Variants in CNGB1 observed in about 807,000 individuals in gnomAD.
CNGB1 encodes the protein cyclic nucleotide gated channel subunit beta 1.
A neutral mutation model predicts 151.7 loss-of-function variants in CNGB1; 126 were observed. That is an observed-to-expected ratio of 0.83 (90% CI 0.72 to 0.96). The LOEUF is 0.96. Among genes scored for constraint, CNGB1 ranks in the 40% least tolerant of loss-of-function variants. CNGB1 has a pLI of 0.00. For synonymous variants in CNGB1, 623 were observed against 635.1 expected (o/e 0.98, Z 0.29); for missense variants, 1,698 against 1,627.0 (o/e 1.04, Z -0.75).
chr16:57,964,332 T>C (rs1962334901), intron 3 of CNGB1, 130 bp from the exon 4 acceptor site: 15 of 1,348,646 alleles, frequency 1.1e-5, no homozygotes, highest in Non-Finnish European at 3.1e-6. Flanking sequence ...CCAGCTCAGC[T>C]CAACTGAAGT....
intron 31 of CNGB1, among the ~76,000 whole-genome samples, chr16:57,895,716 T>G (rs1275828078): frequency 6.6e-6 from 1 of 152,028 alleles, no homozygotes; most frequent in African/African-American, 2.4e-5. Flanking sequence ...GAATCAAGGC[T>G]CCTTGGAGAA....
At chr16:57,904,124 C>T (rs140376269) in intron 26 of CNGB1, 143 bp from the exon 27 acceptor site, 45 of 705,820 alleles carry the variant, frequency 6.4e-5, no homozygotes, top group Admixed American at 4.5e-4. Context: ...AGGCAGATGT[C>T]CTCACACAGA....
intron 14 of CNGB1, among the ~76,000 whole-genome samples, chr16:57,942,147 G>A (rs1961686090): frequency 6.6e-6 from 1 of 152,178 alleles, no homozygotes; most frequent in Admixed American, 6.5e-5. Context: ...CTCCCAAAGT[G>A]CTAGGATTAT....
At chr16:57,925,537 C>T (rs1319346467) in intron 17 of CNGB1, among the ~76,000 whole-genome samples, 1 of 152,192 alleles carries the variant, frequency 6.6e-6, no homozygotes, top group Non-Finnish European at 1.5e-5. Flanking sequence ...GGTCAGGCTG[C>T]AATTGCTACA....
chr16:57,919,173 T>C lies in CNGB1; in HGVS notation c.1883A>G (p.Asp628Gly), dbSNP rs1216827627. ...GTGTTTGAACTTGCAGCAGAGCATG[T>C]CGCAATAGTGCTCCTCTTCCACTGG... ...AEPVEEEHYC[D>G]MLCCKFKHRP... The change falls in exon 20 of 33, where the codon GAC becomes GGC. Residue 628 changes from aspartate to glycine, a missense_variant. Coordinates refer to ENST00000251102, the MANE Select transcript of CNGB1 (RefSeq NM_001297.5). The C allele has an allele frequency of 1.2e-6, 2 of 1,614,226 alleles. No homozygotes were observed. Among genetic ancestry groups the C allele is most frequent in the Admixed American group, 1.7e-5 (1 of 60,026 alleles).
chr16:57,903,760 C>T (rs1359677671), intron 27 of CNGB1, 62 bp downstream of exon 27: 1 of 1,599,828 alleles, frequency 6.3e-7, no homozygotes, highest in African/African-American at 1.3e-5. Context: ...AGGCATGGCA[C>T]CGGGCACCAG....
At chr16:57,930,563 G>A (rs1961318611) in intron 17 of CNGB1, among the ~76,000 whole-genome samples, 1 of 129,920 alleles carries the variant, frequency 7.7e-6, no homozygotes, top group Non-Finnish European at 1.6e-5. Flanking sequence ...AGGGGAAGGA[G>A]GAGGGGAAGG....
At chr16:57,925,569 C>T (rs1014853769) in intron 17 of CNGB1, among the ~76,000 whole-genome samples, 1 of 152,216 alleles carries the variant, frequency 6.6e-6, no homozygotes, top group African/African-American at 2.4e-5. Context: ...TCTCCTCAGC[C>T]TTGGTGAACA....
intron 12 of CNGB1, 41 bp from the exon 13 acceptor site, chr16:57,950,581 G>C (rs1468525124): frequency 6.2e-7 from 1 of 1,611,648 alleles, no homozygotes; most frequent in Non-Finnish European, 8.5e-7. Context: ...GGATGTGCGG[G>C]AGAGTGGGCT....
chr16:57,933,791 C>A (rs1374638186), intron 16 of CNGB1, among the ~76,000 whole-genome samples: 1 of 141,968 alleles, frequency 7.0e-6, no homozygotes, highest in Admixed American at 7.2e-5. Context: ...GGTGTGATCT[C>A]GGCTCACTGC....
At chr16:57,963,270 T>G (rs2149388142) in intron 4 of CNGB1, among the ~76,000 whole-genome samples, 1 of 152,324 alleles carries the variant, frequency 6.6e-6, no homozygotes, top group East Asian at 1.9e-4. Context: ...CCTAAACCAC[T>G]GTCTCCCCAC....
intron 21 of CNGB1, among the ~76,000 whole-genome samples, 165 bp from the exon 22 acceptor site, chr16:57,916,344 C>A (rs1181902042): frequency 6.6e-6 from 1 of 152,100 alleles, no homozygotes; most frequent in Non-Finnish European, 1.5e-5. Context: ...GTGGAGAGGC[C>A]CAGCCCCCAG....
Position 57,964,155 on chromosome 16 carries a change from C to T in CNGB1, c.265G>A (p.Gly89Ser). ...LTSTISLRAQ[G>S]AEISEMNSPS... ...CTATTCATTTCAGAAATCTCAGCGC[C>T]CTGGGCCCGGAGGGATATGGTGGAA... Residue 89 changes from glycine (G) to serine (S), a missense_variant, in exon 4 of 33, where the codon GGC becomes AGC. Coordinates refer to ENST00000251102, the MANE Select transcript of CNGB1 (RefSeq NM_001297.5). The T allele has an allele frequency of 6.2e-7, 1 of 1,614,172 alleles. No individual in the cohort carries two copies.
chr16:57,966,206 AG>A (rs1363624388), intron 2 of CNGB1, among the ~76,000 whole-genome samples: 1 of 152,182 alleles, frequency 6.6e-6, no homozygotes, highest in Non-Finnish European at 1.5e-5. Flanking sequence ...CTCCCCAAGA[AG>A]GGGAGAGTTG....
At chr16:57,907,484 C>G (rs545418085) in intron 25 of CNGB1, among the ~76,000 whole-genome samples, 1 of 152,380 alleles carries the variant, frequency 6.6e-6, no homozygotes, top group East Asian at 1.9e-4. Flanking sequence ...CATAGCTAGG[C>G]ACAGGGGCCA....
chr16:57,935,761 T>TC (rs1374707540), intron 16 of CNGB1, among the ~76,000 whole-genome samples: 2 of 151,790 alleles, frequency 1.3e-5, no homozygotes, highest in African/African-American at 4.9e-5. Flanking sequence ...TTTTTCTTTT[T>TC]TTTTTTAAGC....
chr16:57,964,094 G>C, intron 4 of CNGB1, 36 bp downstream of exon 4: 1 of 1,606,182 alleles, frequency 6.2e-7, no homozygotes. Context: ...TTGGGAGGCG[G>C]GCTGGCCCTG....
intron 14 of CNGB1, among the ~76,000 whole-genome samples, chr16:57,947,131 G>T (rs1961829644): frequency 6.6e-6 from 1 of 152,202 alleles, no homozygotes; most frequent in Non-Finnish European, 1.5e-5. Context: ...GTCTGTGTTG[G>T]TGTGCTGGTG....
At chr16:57,967,356 G>A in intron 1 of CNGB1, 62 bp from the exon 2 acceptor site, 1 of 1,518,652 alleles carries the variant, frequency 6.6e-7, no homozygotes, top group East Asian at 2.3e-5. Context: ...GCCACTTATG[G>A]GCCACTCTTA....
Sources: allele counts gnomAD v4.1 joint callset (sites outside exome capture counted in the v4.1 genomes callset), GRCh38; gene constraint gnomAD v4.1.1; transcripts MANE v1.5; gene names NCBI Gene and HGNC (gene_info 2026-07-23, HGNC 2026-07-21).